The following PLXDC2 variants were observed in gnomAD, a reference collection of about 807,000 sequenced individuals.
PLXDC2 encodes the protein plexin domain-containing protein 2.
In PLXDC2, 40 loss-of-function variants were observed where a neutral mutation model predicts 68.9. That is an observed-to-expected ratio of 0.58 (90% CI 0.45 to 0.76). PLXDC2 has a LOEUF of 0.76. Ranked by LOEUF, PLXDC2 falls within the 30% of genes least tolerant of loss-of-function variation. PLXDC2 has a pLI of 0.00. For missense variants in PLXDC2, 644 were observed against 661.9 expected, an observed-to-expected ratio of 0.97 and a Z score of 0.30; for synonymous variants, 243 against 234.2, an observed-to-expected ratio of 1.04 and a Z score of -0.34.
chr10:20,273,001 T>C (rs1428356587), intron 13 of PLXDC2, among the ~76,000 whole-genome samples: 3 of 152,222 alleles, frequency 2.0e-5, no homozygotes, highest in African/African-American at 7.2e-5. Flanking sequence ...TGCATTTGTT[T>C]TGGGCACACT....
intron 1 of PLXDC2, among the ~76,000 whole-genome samples, chr10:19,896,102 C>T (rs1042570858): frequency 6.6e-6 from 1 of 152,194 alleles, no homozygotes; most frequent in Non-Finnish European, 1.5e-5. Flanking sequence ...TTCTCTTGAT[C>T]TGCCATGATC....
intron 4 of PLXDC2, among the ~76,000 whole-genome samples, 190 bp downstream of exon 4, chr10:20,068,429 A>C (rs545816532): frequency 1.3e-5 from 2 of 152,128 alleles, no homozygotes; most frequent in East Asian, 3.9e-4. Flanking sequence ...AGACAAAAAA[A>C]GTATTTATAA....
intron 4 of PLXDC2, among the ~76,000 whole-genome samples, chr10:20,092,682 G>GA (rs1173225877): frequency 6.6e-6 from 1 of 151,890 alleles, no homozygotes; most frequent in East Asian, 1.9e-4. Flanking sequence ...ACCTCATAAA[G>GA]AAAAAAAGTC....
chr10:20,185,635 T>C (rs746147896), intron 9 of PLXDC2, among the ~76,000 whole-genome samples: 3 of 151,996 alleles, frequency 2.0e-5, no homozygotes, highest in South Asian at 2.1e-4. Context: ...GTACCTTTTA[T>C]ATCCTAGAGA....
intron 7 of PLXDC2, among the ~76,000 whole-genome samples, chr10:20,167,700 T>C (rs1443579198): frequency 6.6e-6 from 1 of 152,252 alleles, no homozygotes; most frequent in Non-Finnish European, 1.5e-5. Context: ...TTAATCATTT[T>C]AGTTACATAG....
chr10:20,083,164 A>C (rs1466786648), intron 4 of PLXDC2, among the ~76,000 whole-genome samples: 2 of 152,080 alleles, frequency 1.3e-5, no homozygotes, highest in Non-Finnish European at 2.9e-5. Flanking sequence ...TTTCACAATC[A>C]TCTGTGCTTT....
intron 4 of PLXDC2, among the ~76,000 whole-genome samples, chr10:20,070,204 A>C (rs1836292440): frequency 6.6e-6 from 1 of 152,252 alleles, no homozygotes; most frequent in Admixed American, 6.5e-5. Context: ...TCGAGTCATT[A>C]GTCCTTAAGT....
At chr10:20,130,976 G>A (rs533194687) in intron 4 of PLXDC2, among the ~76,000 whole-genome samples, 2 of 152,208 alleles carry the variant, frequency 1.3e-5, no homozygotes, top group South Asian at 4.2e-4. Context: ...TGGTATCCAG[G>A]TAATGCTGGC....
chr10:19,953,409 G>A (rs955129249), intron 1 of PLXDC2, among the ~76,000 whole-genome samples: 1 of 152,212 alleles, frequency 6.6e-6, no homozygotes, highest in African/African-American at 2.4e-5. Flanking sequence ...CTGTGAGTGT[G>A]TAAGTTCACA....
At chr10:20,174,013 C>T (rs962543177) in intron 7 of PLXDC2, among the ~76,000 whole-genome samples, 2 of 152,134 alleles carry the variant, frequency 1.3e-5, no homozygotes, top group African/African-American at 4.8e-5. Flanking sequence ...TCTCTTTACT[C>T]CATACGCACG....
intron 1 of PLXDC2, among the ~76,000 whole-genome samples, chr10:19,841,832 C>T (rs888042881): frequency 3.9e-5 from 6 of 151,984 alleles, no homozygotes; most frequent in African/African-American, 1.4e-4. Context: ...CTTTTCATTT[C>T]TGTTTGTATT....
intron 1 of PLXDC2, among the ~76,000 whole-genome samples, chr10:19,836,080 G>A (rs1301216831): frequency 1.3e-5 from 2 of 152,082 alleles, no homozygotes; most frequent in Admixed American, 6.5e-5. Flanking sequence ...TGGAAGCTGA[G>A]GTGGAAGGAT....
intron 1 of PLXDC2, among the ~76,000 whole-genome samples, chr10:19,983,195 A>G (rs1054059642): frequency 6.6e-6 from 1 of 152,168 alleles, no homozygotes; most frequent in African/African-American, 2.4e-5. Context: ...TGATACTTCT[A>G]ATTATCGGTA....
intron 3 of PLXDC2, among the ~76,000 whole-genome samples, chr10:20,052,186 A>G (rs942647326): frequency 1.3e-5 from 2 of 152,100 alleles, no homozygotes; most frequent in African/African-American, 4.8e-5. Flanking sequence ...CTTAGATCTT[A>G]TAAATTTATT....
chr10:20,181,409 A>G (rs1200220655), intron 9 of PLXDC2, among the ~76,000 whole-genome samples: 1 of 152,092 alleles, frequency 6.6e-6, no homozygotes, highest in Non-Finnish European at 1.5e-5. Context: ...TTAGTAAGCC[A>G]GAAAATTAAT....
At chr10:19,862,338 T>C (rs1837333910) in intron 1 of PLXDC2, among the ~76,000 whole-genome samples, 1 of 152,164 alleles carries the variant, frequency 6.6e-6, no homozygotes, top group Non-Finnish European at 1.5e-5. Context: ...ATGGAATTAG[T>C]CCCATTGAAC....
chr10:19,910,291 A>T (rs1290950707), intron 1 of PLXDC2, among the ~76,000 whole-genome samples: 1 of 151,984 alleles, frequency 6.6e-6, no homozygotes, highest in African/African-American at 2.4e-5. Context: ...CTGCTGTACG[A>T]TAATAATGAT....
At chr10:20,011,791 T>A (rs1056099746) in intron 2 of PLXDC2, among the ~76,000 whole-genome samples, 1 of 152,240 alleles carries the variant, frequency 6.6e-6, no homozygotes, top group Non-Finnish European at 1.5e-5. Context: ...TCAGAGCTAC[T>A]ACTTATTTCC....
chr10:19,919,377 G>A (rs1833421695), intron 1 of PLXDC2, among the ~76,000 whole-genome samples: 1 of 151,948 alleles, frequency 6.6e-6, no homozygotes, highest in African/African-American at 2.4e-5. Flanking sequence ...TTGCTAACAG[G>A]AATGCAGCTT....
Sources: gnomAD v4.1 joint callset for allele counts (sites outside exome capture counted in the v4.1 genomes callset) on GRCh38, gnomAD v4.1.1 for gene constraint, MANE v1.5 for transcripts, NCBI Gene and HGNC (gene_info 2026-07-23, HGNC 2026-07-21) for gene names.